Variants in SUPT3H observed in about 807,000 individuals in gnomAD.
SUPT3H encodes the protein SPT3 homolog, SAGA and STAGA complex component.
SUPT3H carries 44 observed loss-of-function variants against 44.3 expected under a neutral mutation model. The observed-to-expected ratio is 0.99, with a 90% confidence interval of 0.78 to 1.28. The LOEUF is 1.28. Ranked by LOEUF, SUPT3H falls within the 50% of genes most tolerant of loss-of-function variation. The pLI is 0.00. For synonymous variants in SUPT3H, 124 were observed against 125.6 expected (o/e 0.99, Z 0.09); for missense variants, 380 against 387.1 (o/e 0.98, Z 0.15).
rs187397072 is a variant in SUPT3H, at chr6:45,228,956, A to G, written c.102-122950T>C. On this transcript the variant is annotated intron_variant, in intron 2 of 10. Transcript: ENST00000371459. ...TGCCCAACCTAAAAATAAATTCTTA[A>G]TAATCAATTTACCAATAGGATTATC... Among the ~76,000 whole-genome samples, 354 of 152,328 alleles carry G rather than the reference A, an allele frequency of 2.3e-3. 1 individual carries two copies. The highest frequency in any genetic ancestry group is 7.8e-3 in the African/African-American group (323 of 41,582).
At chr6:45,052,816 C>A (rs1019121734) in intron 3 of SUPT3H, among the ~76,000 whole-genome samples, 8 of 151,834 alleles carry the variant, frequency 5.3e-5, no homozygotes, top group African/African-American at 1.9e-4. Context: ...GTTTAATGGG[C>A]AAGACAGACC....
chr6:45,141,022 G>A (rs754729573), intron 2 of SUPT3H, among the ~76,000 whole-genome samples: 1 of 152,094 alleles, frequency 6.6e-6, no homozygotes, highest in Non-Finnish European at 1.5e-5. Flanking sequence ...AAACCAAGAA[G>A]AAATCTCTGC....
In SUPT3H at chr6:45,160,423, G is replaced by A. The variant is rs115834423; in HGVS notation, c.102-54417C>T. On this transcript the variant is annotated intron_variant, in intron 2 of 10. Coordinates refer to ENST00000371459, the MANE Select transcript of SUPT3H (RefSeq NM_003599.4). ...AGTCTAAAATTAGATGACCAAAGAC[G>A]TAAGTACTACATCCACAGTCAAGAT... Among the ~76,000 whole-genome samples the A allele has an allele frequency of 2.6e-3, 389 of 152,172 alleles. 4 individuals carry two copies. Among genetic ancestry groups the A allele is most frequent in the African/African-American group, 8.5e-3 (354 of 41,522 alleles).
intron 10 of SUPT3H, among the ~76,000 whole-genome samples, chr6:44,835,222 C>T (rs367944323): frequency 2.2e-4 from 33 of 152,064 alleles, no homozygotes; most frequent in Middle Eastern, 6.8e-3. Context: ...ATATGGCCTG[C>T]GTGGAGCTGT....
chr6:44,939,280 G>C lies in SUPT3H; in HGVS notation c.802-6517C>G, dbSNP rs553785855. On this transcript the variant is annotated intron_variant, in intron 9 of 10. Coordinates refer to ENST00000371459, the MANE Select transcript of SUPT3H (RefSeq NM_003599.4). ...TTGTTAAGGGTTTTTATAATGCAGG[G>C]ATGCTGAATTGTATCAAATGCTTTT... Among the ~76,000 whole-genome samples, 11 of 152,180 alleles carry C rather than the reference G, an allele frequency of 7.2e-5. 1 individual carries two copies. In the South Asian group the frequency reaches 2.3e-3, roughly 32 times the overall value.
chr6:45,259,491 A>G (rs1398988564), intron 2 of SUPT3H, among the ~76,000 whole-genome samples: 2 of 152,164 alleles, frequency 1.3e-5, no homozygotes, highest in Non-Finnish European at 2.9e-5. Flanking sequence ...ACATCACTAT[A>G]AAACCCTGTA....
chr6:44,930,026 T>C (rs1397962963), intron 10 of SUPT3H, among the ~76,000 whole-genome samples: 2 of 152,122 alleles, frequency 1.3e-5, no homozygotes, highest in South Asian at 2.1e-4. Context: ...GGTGGGTGGA[T>C]CACCTGAGGT....
At chr6:45,115,466 A>C (rs983171772) in intron 2 of SUPT3H, among the ~76,000 whole-genome samples, 5 of 152,202 alleles carry the variant, frequency 3.3e-5, no homozygotes, top group African/African-American at 1.2e-4. Context: ...TACCATACTA[A>C]ACACTCTGAG....
At chr6:45,335,118 A>T (rs1395228217) in intron 2 of SUPT3H, among the ~76,000 whole-genome samples, 1 of 151,250 alleles carries the variant, frequency 6.6e-6, no homozygotes, top group East Asian at 1.9e-4. Context: ...TTGACCATGT[A>T]ACCTGGGTAA....
chr6:44,930,681 A>G (rs1770445099), intron 10 of SUPT3H, among the ~76,000 whole-genome samples: 1 of 152,164 alleles, frequency 6.6e-6, no homozygotes, highest in Non-Finnish European at 1.5e-5. Context: ...CTGAGGAATA[A>G]TAACACCTTG....
At chr6:45,112,443 C>A (rs1051921410) in intron 2 of SUPT3H, among the ~76,000 whole-genome samples, 1 of 151,842 alleles carries the variant, frequency 6.6e-6, no homozygotes, top group Non-Finnish European at 1.5e-5. Flanking sequence ...CATATTATCA[C>A]GGAATTTTAC....
intron 3 of SUPT3H, among the ~76,000 whole-genome samples, chr6:45,024,967 A>G (rs1242400631): frequency 1.3e-5 from 2 of 151,956 alleles, no homozygotes; most frequent in African/African-American, 4.8e-5. Context: ...TACTGGAACT[A>G]AACATCTACA....
intron 2 of SUPT3H, among the ~76,000 whole-genome samples, chr6:45,300,860 A>C (rs1334755910): frequency 2.0e-5 from 3 of 151,958 alleles, no homozygotes; most frequent in Non-Finnish European, 2.9e-5. Flanking sequence ...CACATGATTG[A>C]GGAACTGCTC....
chr6:45,210,578 T>C (rs1401737356), intron 2 of SUPT3H, among the ~76,000 whole-genome samples: 1 of 152,182 alleles, frequency 6.6e-6, no homozygotes, highest in Non-Finnish European at 1.5e-5. Context: ...TATTGATTGA[T>C]ATCTCATGTC....
chr6:45,135,122 A>G (rs1804069528), intron 2 of SUPT3H, among the ~76,000 whole-genome samples: 2 of 152,182 alleles, frequency 1.3e-5, no homozygotes, highest in Admixed American at 1.3e-4. Context: ...ATAAACCACA[A>G]ACAGATGAGT....
At chr6:44,940,323 T>C (rs532530965) in intron 9 of SUPT3H, among the ~76,000 whole-genome samples, 10 of 152,186 alleles carry the variant, frequency 6.6e-5, no homozygotes, top group East Asian at 3.9e-4. Flanking sequence ...CCAGAGGATA[T>C]TGTTTAATTT....
At chr6:45,158,104 A>G (rs1333090518) in intron 2 of SUPT3H, among the ~76,000 whole-genome samples, 1 of 145,852 alleles carries the variant, frequency 6.9e-6, no homozygotes, top group Admixed American at 6.9e-5. Context: ...ATACTAATAT[A>G]TATTATATAA....
At chr6:45,346,488 T>A (rs1053295076) in intron 2 of SUPT3H, among the ~76,000 whole-genome samples, 6 of 151,974 alleles carry the variant, frequency 3.9e-5, no homozygotes, top group Non-Finnish European at 8.8e-5. Flanking sequence ...ACACAAGAAT[T>A]CCCTCTCTCC....
At chr6:45,133,218 T>C (rs6941764) in intron 2 of SUPT3H, among the ~76,000 whole-genome samples, 1,823 of 152,294 alleles carry the variant, frequency 0.012, 41 homozygotes, top group African/African-American at 0.042. Context: ...CAAAGTTCTT[T>C]TCTTCTTGCT....
Sources: gnomAD v4.1 joint callset for allele counts (sites outside exome capture counted in the v4.1 genomes callset) on GRCh38, gnomAD v4.1.1 for gene constraint, MANE v1.5 for transcripts, NCBI Gene and HGNC (gene_info 2026-07-23, HGNC 2026-07-21) for gene names.